The following ALG14 variants were observed in gnomAD, a reference collection of about 807,000 sequenced individuals.
ALG14 encodes the protein UDP-N-acetylglucosamine transferase subunit ALG14.
ALG14 carries 17 observed loss-of-function variants against 22.8 expected under a neutral mutation model. The observed-to-expected ratio is 0.75, with a 90% confidence interval of 0.51 to 1.12. The LOEUF is 1.12. Ranked by LOEUF, ALG14 falls within the 50% of genes most tolerant of loss-of-function variation. ALG14 has a pLI of 0.00. For synonymous variants in ALG14, 89 were observed against 103.7 expected (o/e 0.86, Z 0.86); for missense variants, 288 against 271.8 (o/e 1.06, Z -0.42).
At position 94,976,836 on chromosome 1, in the gene ALG14, G is replaced by C. The variant is rs373902312; in HGVS notation, c.*6240C>G. On this transcript the variant is annotated 3_prime_UTR_variant, in exon 4 of 4. Transcript: ENST00000370205. ...TTATGTTACATTAACATGGCAAAAG[G>C]GACGTAATTATGATCCTAATCAGTT... The C allele has an allele frequency of 6.6e-6, 1 of 152,126 alleles. No homozygotes were observed. The highest frequency in any genetic ancestry group is 1.9e-4 in the East Asian group (1 of 5,202). The allele number at this position is 152,126 out of a possible 1,614,324, so 9.4% of individuals were successfully genotyped here. A position where few individuals can be genotyped will look rare whatever the true frequency, so the allele number is the denominator to read the frequency against.
At chr1:94,986,466 C>T (rs547399203) in intron 3 of ALG14, among the ~76,000 whole-genome samples, 2 of 151,514 alleles carry the variant, frequency 1.3e-5, no homozygotes, top group South Asian at 2.1e-4. Flanking sequence ...TGACTGACAG[C>T]TTTTTTTTTC....
At chr1:95,059,887 T>A (rs1675074955) in intron 2 of ALG14, among the ~76,000 whole-genome samples, 1 of 151,998 alleles carries the variant, frequency 6.6e-6, no homozygotes, top group Non-Finnish European at 1.5e-5. Flanking sequence ...AGATTGTTAA[T>A]TATACTTGGC....
chr1:95,042,063 TTAG>T (rs1457249302), intron 2 of ALG14, among the ~76,000 whole-genome samples: 1 of 152,170 alleles, frequency 6.6e-6, no homozygotes, highest in Non-Finnish European at 1.5e-5. Flanking sequence ...ATATTTCATA[TTAG>T]TAGGTTTTTA....
At chr1:95,047,047 T>C (rs898426213) in intron 2 of ALG14, among the ~76,000 whole-genome samples, 1 of 148,664 alleles carries the variant, frequency 6.7e-6, no homozygotes, top group Admixed American at 6.7e-5. Context: ...GACATGCCTG[T>C]ATGAACCAAC....
intron 2 of ALG14, among the ~76,000 whole-genome samples, chr1:95,028,524 A>G (rs1418537234): frequency 1.3e-5 from 2 of 152,178 alleles, no homozygotes; most frequent in Non-Finnish European, 2.9e-5. Flanking sequence ...CATTAAAAAA[A>G]ATCTGGAACT....
intron 3 of ALG14, among the ~76,000 whole-genome samples, chr1:95,017,138 G>A (rs1673526711): frequency 6.6e-6 from 1 of 152,116 alleles, no homozygotes. Context: ...CAAGGCAGGA[G>A]GCCCTGATGA....
At chr1:95,047,175 CTA>C (rs1197683744) in intron 2 of ALG14, among the ~76,000 whole-genome samples, 2 of 151,972 alleles carry the variant, frequency 1.3e-5, no homozygotes, top group African/African-American at 4.8e-5. Context: ...AACACTGTCT[CTA>C]GGGTTATATG....
In ALG14 at chr1:95,058,616, T is replaced by TAA. The variant is rs61435505; in HGVS notation, c.288+6248_288+6249dup. On this transcript the variant is annotated intron_variant, in intron 2 of 3. Coordinates refer to ENST00000370205, the MANE Select transcript of ALG14 (RefSeq NM_144988.4). ...TGGACAACAGAGTGAGATTCATTCT[T>TAA]AAAAAAAAAAAAAAAAAAAAGATAC... 2.4e-4 allele frequency among the ~76,000 whole-genome samples: 24 copies of TAA among 99,296 alleles called. No homozygotes were observed. The South Asian group carries it at 2.9e-3, about 12-fold the overall frequency. The allele number at this position is 99,296 out of a possible 152,430, so 65.1% of individuals were successfully genotyped here. A position where few individuals can be genotyped will look rare whatever the true frequency, so the allele number is the denominator to read the frequency against.
chr1:95,000,525 G>C (rs1673034763), intron 3 of ALG14, among the ~76,000 whole-genome samples: 2 of 105,144 alleles, frequency 1.9e-5, no homozygotes, highest in Non-Finnish European at 1.8e-5. Flanking sequence ...AACAGAGCAA[G>C]ACCCTGTCCT....
chr1:95,000,843 GAGA>G (rs1255781480), intron 3 of ALG14, among the ~76,000 whole-genome samples: 1 of 146,966 alleles, frequency 6.8e-6, no homozygotes, highest in Non-Finnish European at 1.5e-5. Flanking sequence ...GGTTCAGAAA[GAGA>G]AGAAGAAGAG....
intron 3 of ALG14, among the ~76,000 whole-genome samples, chr1:94,985,901 AAAGC>A (rs1204280158): frequency 6.6e-6 from 1 of 152,218 alleles, no homozygotes; most frequent in East Asian, 1.9e-4. Context: ...TGAAAAAAAA[AAAGC>A]AAACTAATCT....
At chr1:95,028,094 A>G (rs1266756072) in intron 2 of ALG14, among the ~76,000 whole-genome samples, 1 of 152,238 alleles carries the variant, frequency 6.6e-6, no homozygotes, top group Non-Finnish European at 1.5e-5. Context: ...GTTTAATATA[A>G]TCCAGCATCA....
chr1:94,983,891 G>A (rs537179262), intron 3 of ALG14, among the ~76,000 whole-genome samples: 3 of 151,762 alleles, frequency 2.0e-5, no homozygotes, highest in Non-Finnish European at 2.9e-5. Flanking sequence ...ACAGGCGCCC[G>A]CCACCACACC....
At chr1:95,065,087 C>A in intron 1 of ALG14, 70 bp from the exon 2 acceptor site, 2 of 1,387,024 alleles carry the variant, frequency 1.4e-6, no homozygotes, top group Non-Finnish European at 1.9e-6. Context: ...CCATGTTATA[C>A]CAATATCATG....
chr1:95,067,306 G>A (rs765155770), intron 1 of ALG14: 3 of 152,174 alleles, frequency 2.0e-5, no homozygotes, highest in Non-Finnish European at 4.4e-5. Context: ...ATTGATCCCT[G>A]TAAGCAAGGA....
At chr1:95,026,794 T>C (rs1196046520) in intron 3 of ALG14, among the ~76,000 whole-genome samples, 1 of 152,078 alleles carries the variant, frequency 6.6e-6, no homozygotes, top group Admixed American at 6.6e-5. Flanking sequence ...CAAGGCTTGG[T>C]GGCATGCACT....
At chr1:94,994,546 A>G (rs1368445817) in intron 3 of ALG14, among the ~76,000 whole-genome samples, 2 of 152,148 alleles carry the variant, frequency 1.3e-5, no homozygotes, top group African/African-American at 4.8e-5. Flanking sequence ...TAGCTCTGAG[A>G]GGTAGATGTT....
At chr1:95,012,934 A>C (rs1346232989) in intron 3 of ALG14, among the ~76,000 whole-genome samples, 1 of 152,074 alleles carries the variant, frequency 6.6e-6, no homozygotes, top group Non-Finnish European at 1.5e-5. Flanking sequence ...GGAGTTCAAG[A>C]CCAGCCTAGC....
At chr1:95,068,001 C>T (rs1185583331) in intron 1 of ALG14, among the ~76,000 whole-genome samples, 1 of 152,152 alleles carries the variant, frequency 6.6e-6, no homozygotes, top group Non-Finnish European at 1.5e-5. Flanking sequence ...CATAAAAAAG[C>T]AATGCCCCTT....
Sources: gnomAD v4.1 joint callset for allele counts (sites outside exome capture counted in the v4.1 genomes callset) on GRCh38, gnomAD v4.1.1 for gene constraint, MANE v1.5 for transcripts, NCBI Gene and HGNC (gene_info 2026-07-23, HGNC 2026-07-21) for gene names.